The following SEMA6D variants were observed in gnomAD, a reference collection of about 807,000 sequenced individuals.
SEMA6D encodes semaphorin-6D.
In SEMA6D, 35 loss-of-function variants were observed where a neutral mutation model predicts 106.6. The observed-to-expected ratio is 0.33, with a 90% CI of 0.25 to 0.44. The LOEUF (loss-of-function observed/expected upper bound fraction) is 0.44. Among genes scored for constraint, SEMA6D ranks in the 20% least tolerant of loss-of-function variants. SEMA6D has a pLI of 1.00. For missense variants in SEMA6D, 1,185 were observed against 1,345.9 expected, an observed-to-expected ratio of 0.88 and a Z score of 1.87; for synonymous variants, 499 against 487.7, an observed-to-expected ratio of 1.02 and a Z score of -0.31.
intron 4 of SEMA6D, among the ~76,000 whole-genome samples, chr15:47,689,936 A>C (rs2078549685): frequency 6.6e-6 from 1 of 152,236 alleles, no homozygotes; most frequent in Non-Finnish European, 1.5e-5. Context: ...CCTGGACAGC[A>C]AGAGATTTGC....
At chr15:47,600,560 T>A (rs539696839) in intron 3 of SEMA6D, among the ~76,000 whole-genome samples, 1 of 152,284 alleles carries the variant, frequency 6.6e-6, no homozygotes, top group South Asian at 2.1e-4. Flanking sequence ...ACAAAACAGA[T>A]GTTTCACATG....
chr15:47,623,255 A>T (rs35471498), intron 4 of SEMA6D, among the ~76,000 whole-genome samples: 4 of 152,140 alleles, frequency 2.6e-5, no homozygotes, highest in Non-Finnish European at 5.9e-5. Flanking sequence ...CTCATGTGTT[A>T]GCTGGGTCTT....
chr15:47,481,156 A>G (rs2141297584), intron 3 of SEMA6D, among the ~76,000 whole-genome samples: 1 of 152,254 alleles, frequency 6.6e-6, no homozygotes, highest in East Asian at 1.9e-4. Context: ...CAGATCCATG[A>G]CAGCTTTCTT....
rs1233791807 is a variant in SEMA6D at position 47,224,690 on chromosome 15, T to G, written c.-239+40272T>G. Among the ~76,000 whole-genome samples, 5 of 152,110 alleles carry G rather than the reference T, an allele frequency of 3.3e-5. No individual in the cohort carries two copies. The East Asian group carries it at 9.6e-4, about 29-fold the overall frequency. ...AATAAATATTTGTTGAATAAATGAC[T>G]ATGAAAGAAAATTCTTCACATCAAT... On this transcript the variant is annotated intron_variant, in intron 1 of 19. Transcript: ENST00000558014.
chr15:47,264,325 C>A (rs2034215422), intron 1 of SEMA6D, among the ~76,000 whole-genome samples: 2 of 127,936 alleles, frequency 1.6e-5, no homozygotes, highest in Non-Finnish European at 3.5e-5. Flanking sequence ...TGGTCATTTA[C>A]CCCTGAATTT....
chr15:47,675,620 A>C (rs145509918), intron 4 of SEMA6D, among the ~76,000 whole-genome samples: 1 of 152,218 alleles, frequency 6.6e-6, no homozygotes, highest in Admixed American at 6.5e-5. Context: ...AGAGGCATTG[A>C]TATCAATTAG....
At chr15:47,508,730 T>C (rs1461273348) in intron 3 of SEMA6D, among the ~76,000 whole-genome samples, 1 of 152,206 alleles carries the variant, frequency 6.6e-6, no homozygotes, top group African/African-American at 2.4e-5. Flanking sequence ...ACACACCTAG[T>C]GTAGTGGCTA....
intron 3 of SEMA6D, among the ~76,000 whole-genome samples, chr15:47,478,288 G>A (rs759630923): frequency 3.3e-5 from 5 of 152,150 alleles, no homozygotes; most frequent in African/African-American, 9.7e-5. Context: ...CCTTGGAAGA[G>A]TTCTGTAGAT....
At chr15:47,208,155 A>G (rs1453565141) in intron 1 of SEMA6D, among the ~76,000 whole-genome samples, 2 of 152,130 alleles carry the variant, frequency 1.3e-5, no homozygotes, top group Non-Finnish European at 2.9e-5. Context: ...TTTAAAACCA[A>G]CTGGTCTTTA....
intron 4 of SEMA6D, among the ~76,000 whole-genome samples, chr15:47,644,298 C>G (rs1229629975): frequency 1.3e-5 from 2 of 152,190 alleles, no homozygotes; most frequent in Non-Finnish European, 2.9e-5. Flanking sequence ...TAAGTGCATA[C>G]ACAATTGCAC....
chr15:47,221,073 A>C (rs1252095194), intron 1 of SEMA6D, among the ~76,000 whole-genome samples: 1 of 152,092 alleles, frequency 6.6e-6, no homozygotes, highest in Non-Finnish European at 1.5e-5. Context: ...CCCTCTGTGC[A>C]CTTCTGTAGG....
intron 3 of SEMA6D, among the ~76,000 whole-genome samples, chr15:47,500,293 G>A (rs1438646072): frequency 6.9e-6 from 1 of 144,042 alleles, no homozygotes; most frequent in Non-Finnish European, 1.5e-5. Flanking sequence ...AATGTAAATG[G>A]AGCTAAATTA....
In SEMA6D at chr15:47,772,826, C is replaced by A. The variant is rs1480318045; in HGVS notation, c.*1041C>A. ...TTCCCCCCCCCCAATAGTAAAATTT[C>A]TCCTCCTTTAACTCCTCCTACCCCC... is the stretch of plus-strand genomic sequence containing the variant. On this transcript the variant is annotated 3_prime_UTR_variant, in exon 19 of 19. Coordinates refer to ENST00000536845, the MANE Select transcript of SEMA6D (RefSeq NM_001358351.3). 2.1e-4 allele frequency: 24 copies of A among 111,972 alleles called. No individual in the cohort carries two copies. Among genetic ancestry groups the A allele is most frequent in the African/African-American group, 8.1e-4 (24 of 29,462 alleles). The allele number at this position is 111,972 out of a possible 1,614,324, so 6.9% of individuals were successfully genotyped here. A position where few individuals can be genotyped will look rare whatever the true frequency, so the allele number is the denominator to read the frequency against.
intron 3 of SEMA6D, among the ~76,000 whole-genome samples, chr15:47,540,003 G>C (rs1452899582): frequency 6.6e-6 from 1 of 152,028 alleles, no homozygotes; most frequent in African/African-American, 2.4e-5. Context: ...ACTCATGCAA[G>C]AGATGATCAG....
intron 3 of SEMA6D, among the ~76,000 whole-genome samples, chr15:47,566,762 A>T (rs1035681086): frequency 6.6e-6 from 1 of 152,214 alleles, no homozygotes; most frequent in Non-Finnish European, 1.5e-5. Flanking sequence ...TTGTTATGAG[A>T]ATTCAATGAG....
chr15:47,288,665 TGAGAGGAGTA>T (rs2035471524), intron 1 of SEMA6D, among the ~76,000 whole-genome samples: 1 of 152,072 alleles, frequency 6.6e-6, no homozygotes. Context: ...AATACATGAA[TGAGAGGAGTA>T]GTGGGCAAAA....
chr15:47,590,367 C>A (rs2076416127), intron 3 of SEMA6D, among the ~76,000 whole-genome samples: 1 of 149,088 alleles, frequency 6.7e-6, no homozygotes, highest in South Asian at 2.2e-4. Context: ...ACATCACACA[C>A]CAGGGCCTGT....
At chr15:47,354,459 T>C (rs1044189868) in intron 1 of SEMA6D, among the ~76,000 whole-genome samples, 8 of 147,904 alleles carry the variant, frequency 5.4e-5, no homozygotes, top group Admixed American at 1.4e-4. Context: ...AGTTTTTAAG[T>C]AGAGGTGACT....
intron 4 of SEMA6D, among the ~76,000 whole-genome samples, chr15:47,687,754 G>A (rs767952883): frequency 9.9e-5 from 15 of 152,106 alleles, no homozygotes; most frequent in Non-Finnish European, 1.9e-4. Flanking sequence ...AGAGAGATTT[G>A]TGGAGTAGAA....
Sources: gnomAD v4.1 joint callset for allele counts (sites outside exome capture counted in the v4.1 genomes callset) on GRCh38, gnomAD v4.1.1 for gene constraint, MANE v1.5 for transcripts, NCBI Gene and HGNC (gene_info 2026-07-23, HGNC 2026-07-21) for gene names.